The following PCDHA6 variants were observed in gnomAD, a reference collection of about 807,000 sequenced individuals.
PCDHA6 encodes protocadherin alpha 6.
A neutral mutation model predicts 60.3 loss-of-function variants in PCDHA6; 55 were observed. That is an observed-to-expected ratio of 0.91 (90% CI 0.73 to 1.14). PCDHA6 has a LOEUF of 1.14. Among genes scored for constraint, PCDHA6 ranks in the 50% most tolerant of loss-of-function variants. PCDHA6 has a pLI of 0.00. For synonymous variants in PCDHA6, 652 were observed against 557.9 expected (o/e 1.17, Z -2.38); for missense variants, 1,327 against 1,256.5 (o/e 1.06, Z -0.85).
rs193129915 is a variant in PCDHA6 at position 140,907,396 on chromosome 5, T to C, written c.2395-71553T>C. On this transcript the variant is annotated intron_variant, in intron 1 of 3. Coordinates refer to ENST00000529310, the MANE Select transcript of PCDHA6 (RefSeq NM_018909.4). The stretch of plus-strand genomic sequence containing the variant: ...TGAGTGCCTTGGTCAAAGGCAATGC[T>C]GTGTGGAATACCACGATGGTGGATA... Among the ~76,000 whole-genome samples, 1,220 of 152,314 alleles carry C rather than the reference T, an allele frequency of 8.0e-3. 6 individuals are homozygous for C. Among genetic ancestry groups the C allele is most frequent in the African/African-American group, 0.019 (787 of 41,564 alleles).
At chr5:140,932,124 A>G (rs2088056676) in intron 1 of PCDHA6, among the ~76,000 whole-genome samples, 1 of 151,956 alleles carries the variant, frequency 6.6e-6, no homozygotes, top group Admixed American at 6.5e-5. Flanking sequence ...GATAATATTT[A>G]AGATATAAAC....
At chr5:140,835,546 C>A (rs1340907598) in intron 1 of PCDHA6, 1 of 1,613,946 alleles carries the variant, frequency 6.2e-7, no homozygotes, top group African/African-American at 1.3e-5. Context: ...GTTACCTGCT[C>A]CCTGACGCCC....
rs556593659 is a variant in PCDHA6, at chr5:140,966,652, G to A, written c.2395-12297G>A. ...CCCAGGCGCTTTCTAGAGCGTGAGC[G>A]GTGGGGGAGCAGGCGCAGGGTGGCA... On this transcript the variant is annotated intron_variant, in intron 1 of 3. Coordinates refer to ENST00000529310, the MANE Select transcript of PCDHA6 (RefSeq NM_018909.4). 1.0e-5 allele frequency: 12 copies of A among 1,169,200 alleles called. No homozygotes were observed. In the Admixed American group the frequency reaches 2.0e-4, roughly 19 times the overall value. The allele number at this position is 1,169,200 out of a possible 1,614,324, so 72.4% of individuals were successfully genotyped here.
intron 1 of PCDHA6, among the ~76,000 whole-genome samples, chr5:140,963,204 AAACCTCGTGTT>A (rs2095746581): frequency 6.6e-6 from 1 of 152,104 alleles, no homozygotes; most frequent in South Asian, 2.1e-4. Context: ...ATGAAAAAAA[AAACCTCGTGTT>A]TAGAGTAGAC....
chr5:140,951,183 G>A (rs1554219780), intron 1 of PCDHA6, among the ~76,000 whole-genome samples: 3 of 151,518 alleles, frequency 2.0e-5, no homozygotes, highest in Admixed American at 6.6e-5. Flanking sequence ...GTCATTGTCC[G>A]CTAATTCCCA....
rs145253621 is a variant in PCDHA6, at chr5:140,991,776, T to A, written c.2542+9213T>A. 4.1e-3 allele frequency among the ~76,000 whole-genome samples: 632 copies of A among 152,312 alleles called. 6 individuals carry two copies. Among genetic ancestry groups the A allele is most frequent in the South Asian group, 0.036 (174 of 4,822 alleles). ...CATGCTCTTCAAAATTCTTCTAGACTCTGCCCATTTCCCAATCTCAAGGCC... is the reference window on the plus strand; with the variant it reads ...CATGCTCTTCAAAATTCTTCTAGACACTGCCCATTTCCCAATCTCAAGGCC... On this transcript the variant is annotated intron_variant, in intron 3 of 3. Coordinates refer to ENST00000529310, the MANE Select transcript of PCDHA6 (RefSeq NM_018909.4).
At chr5:140,880,840 GT>G (rs1554171522) in intron 1 of PCDHA6, among the ~76,000 whole-genome samples, 2 of 152,176 alleles carry the variant, frequency 1.3e-5, no homozygotes, top group Admixed American at 6.5e-5. Flanking sequence ...ATTTTAAATG[GT>G]TGACTATGTA....
chr5:140,871,031 G>C (rs543880939), intron 1 of PCDHA6: 4 of 1,613,210 alleles, frequency 2.5e-6, no homozygotes, highest in Middle Eastern at 3.3e-4. Flanking sequence ...GACTCGCCGC[G>C]CCACCGACTT....
At chr5:140,877,143 C>G (rs782522652) in intron 1 of PCDHA6, 2 of 1,613,668 alleles carry the variant, frequency 1.2e-6, no homozygotes, top group African/African-American at 2.7e-5. Context: ...TCGTGCTGGA[C>G]GAGAACGACA....
chr5:140,913,955 AT>A (rs2076529735), intron 1 of PCDHA6, among the ~76,000 whole-genome samples: 2 of 152,108 alleles, frequency 1.3e-5, no homozygotes, highest in African/African-American at 2.4e-5. Context: ...ATATGATATC[AT>A]TTTTAAAAAA....
At chr5:140,836,556 G>T (rs1441069501) in intron 1 of PCDHA6, 2 of 1,613,776 alleles carry the variant, frequency 1.2e-6, no homozygotes, top group Non-Finnish European at 1.7e-6. Flanking sequence ...GCGGTGCTCA[G>T]CGCCGTCCTC....
At chr5:140,869,288 G>C (rs950790626) in intron 1 of PCDHA6, 2 of 1,613,578 alleles carry the variant, frequency 1.2e-6, no homozygotes, top group South Asian at 1.1e-5. Flanking sequence ...CTGGTGCAGC[G>C]CCTGTTCCGG....
chr5:141,000,080 G>T (rs1554257118), intron 3 of PCDHA6, among the ~76,000 whole-genome samples: 1 of 152,068 alleles, frequency 6.6e-6, no homozygotes, highest in Non-Finnish European at 1.5e-5. Context: ...ACAATGCTAG[G>T]CCTGTGAATG....
chr5:140,858,262 G>A lies in PCDHA6; in HGVS notation c.2394+27777G>A. On this transcript the variant is annotated intron_variant, in intron 1 of 3. Coordinates refer to ENST00000529310, the MANE Select transcript of PCDHA6 (RefSeq NM_018909.4). Reference sequence around the variant, plus strand: ...GTGGGCCGGTGAAGCCCACGCTGGTGTGCTCTAGCGCGGTGGGGAGCTGGT... The same window carrying A: ...GTGGGCCGGTGAAGCCCACGCTGGTATGCTCTAGCGCGGTGGGGAGCTGGT... 2 of 1,597,236 alleles carry A rather than the reference G, an allele frequency of 1.3e-6. 1 individual carries two copies.
At chr5:140,925,689 G>C (rs1341368297) in intron 1 of PCDHA6, among the ~76,000 whole-genome samples, 1 of 147,806 alleles carries the variant, frequency 6.8e-6, no homozygotes, top group Non-Finnish European at 1.5e-5. Flanking sequence ...AGCGAGGGTG[G>C]GTATCTAGCC....
chr5:140,850,663 G>C (rs2150492641), intron 1 of PCDHA6: 11 of 1,598,502 alleles, frequency 6.9e-6, no homozygotes, highest in African/African-American at 1.3e-5. Context: ...GTGCTGCGGT[G>C]CTCGGCGATG....
In PCDHA6 at chr5:140,894,570, T is replaced by G. The variant is rs558111947; in HGVS notation, c.2394+64085T>G. ...TTTACTTCTGAAAAAATTATTTTCC[T>G]TTTTTTTAATATTTTACTGAGTTTT... On this transcript the variant is annotated intron_variant, in intron 1 of 3. Coordinates refer to ENST00000529310, the MANE Select transcript of PCDHA6 (RefSeq NM_018909.4). Among the ~76,000 whole-genome samples the G allele has an allele frequency of 1.5e-4, 23 of 151,856 alleles. No individual in the cohort carries two copies. The South Asian group carries it at 4.4e-3, about 29-fold the overall frequency.
At chr5:140,869,457 T>A (rs1554163081) in intron 1 of PCDHA6, 2 of 1,614,184 alleles carry the variant, frequency 1.2e-6, no homozygotes, top group Non-Finnish European at 1.7e-6. Flanking sequence ...AGGTTTTCCA[T>A]GTGAACGTGG....
At chr5:140,917,657 G>A (rs1382905790) in intron 1 of PCDHA6, among the ~76,000 whole-genome samples, 2 of 152,156 alleles carry the variant, frequency 1.3e-5, no homozygotes, top group Admixed American at 1.3e-4. Context: ...TATTGAGTAG[G>A]AAGTCCTTTC....
Sources: allele counts gnomAD v4.1 joint callset (sites outside exome capture counted in the v4.1 genomes callset), GRCh38; gene constraint gnomAD v4.1.1; transcripts MANE v1.5; gene names NCBI Gene and HGNC (gene_info 2026-07-23, HGNC 2026-07-21).